PPM1H: variants seen among roughly 807,000 people sequenced by gnomAD.
PPM1H encodes protein phosphatase, Mg2+/Mn2+ dependent 1H.
A neutral mutation model predicts 54.9 loss-of-function variants in PPM1H; 27 were observed. The observed-to-expected ratio is 0.49, with a 90% CI of 0.36 to 0.68. The LOEUF is 0.68. Among genes scored for constraint, PPM1H ranks in the 30% least tolerant of loss-of-function variants. The pLI is 0.00. For missense variants in PPM1H, 596 were observed against 667.8 expected, an observed-to-expected ratio of 0.89 and a Z score of 1.19; for synonymous variants, 305 against 270.8, an observed-to-expected ratio of 1.13 and a Z score of -1.24.
At chr12:62,793,925 C>T (rs2076716203) in intron 3 of PPM1H, among the ~76,000 whole-genome samples, 1 of 152,068 alleles carries the variant, frequency 6.6e-6, no homozygotes, top group Non-Finnish European at 1.5e-5. Context: ...AAAAGGAAAG[C>T]AATATCTGGT....
intron 1 of PPM1H, among the ~76,000 whole-genome samples, chr12:62,895,787 G>A (rs1217395090): frequency 6.6e-6 from 1 of 152,084 alleles, no homozygotes; most frequent in Admixed American, 6.5e-5. Flanking sequence ...GCTCCCCTTT[G>A]CCTTCCACCA....
intron 1 of PPM1H, among the ~76,000 whole-genome samples, chr12:62,860,664 C>T (rs1869565781): frequency 6.6e-6 from 1 of 152,190 alleles, no homozygotes; most frequent in Non-Finnish European, 1.5e-5. Flanking sequence ...GACGCATCTC[C>T]TACAACTCAG....
Position 62,832,097 on chromosome 12 carries a change from A to G in PPM1H, c.411+17T>C. On this transcript the variant is annotated intron_variant, in intron 2 of 9. Coordinates refer to ENST00000228705, the MANE Select transcript of PPM1H (RefSeq NM_020700.2). ...CATTCTTCTCACCTGAGAACCAAGG[A>G]TCGAGAAGGGTCTTACCGAGTTCTC... is the stretch of plus-strand genomic sequence containing the variant. The G allele has an allele frequency of 3.7e-6, 6 of 1,612,266 alleles. No individual in the cohort carries two copies. The highest frequency in any genetic ancestry group is 5.1e-6 in the Non-Finnish European group (6 of 1,178,520).
chr12:62,679,044 C>T (rs778587037), intron 8 of PPM1H, among the ~76,000 whole-genome samples: 3 of 151,968 alleles, frequency 2.0e-5, no homozygotes, highest in Admixed American at 6.6e-5. Context: ...TGGAATGCAG[C>T]GGTGAGATCT....
intron 4 of PPM1H, among the ~76,000 whole-genome samples, chr12:62,748,732 G>T (rs2076425922): frequency 6.6e-6 from 1 of 152,326 alleles, no homozygotes; most frequent in Non-Finnish European, 1.5e-5. Flanking sequence ...TGGCTTTGGA[G>T]GAAATTCACA....
intron 1 of PPM1H, among the ~76,000 whole-genome samples, chr12:62,884,716 G>A (rs1870525513): frequency 6.6e-6 from 1 of 152,062 alleles, no homozygotes; most frequent in Admixed American, 6.6e-5. Context: ...TCTACTACTA[G>A]GTAACAATTT....
chr12:62,753,225 C>G (rs1243759839), intron 4 of PPM1H, among the ~76,000 whole-genome samples: 2 of 152,186 alleles, frequency 1.3e-5, no homozygotes, highest in Non-Finnish European at 2.9e-5. Context: ...ACCTCAGCTG[C>G]CTGGCAAACT....
intron 6 of PPM1H, among the ~76,000 whole-genome samples, chr12:62,702,974 CT>C (rs1344923199): frequency 6.6e-6 from 1 of 152,224 alleles, no homozygotes; most frequent in East Asian, 1.9e-4. Flanking sequence ...CTGAATCTGC[CT>C]CTTCAACTGG....
intron 1 of PPM1H, among the ~76,000 whole-genome samples, chr12:62,893,226 G>A (rs954919033): frequency 6.6e-6 from 1 of 152,144 alleles, no homozygotes; most frequent in Admixed American, 6.6e-5. Flanking sequence ...ATTTGCTAGG[G>A]TTGCCTTAAC....
chr12:62,755,861 G>C, intron 4 of PPM1H: 2 of 785,512 alleles, frequency 2.5e-6, no homozygotes, highest in Non-Finnish European at 2.3e-6. Flanking sequence ...TGCCTCTACT[G>C]GTGCTGCTAA....
In PPM1H at chr12:62,645,887, G is replaced by C. The variant is rs1292161381; in HGVS notation, c.*2602C>G. 1 of 152,140 alleles carries C rather than the reference G, an allele frequency of 6.6e-6. No individual in the cohort carries two copies. Among genetic ancestry groups the C allele is most frequent in the African/African-American group, 2.4e-5 (1 of 41,420 alleles). 9.4% of individuals were successfully genotyped at this position (152,140 alleles called of 1,614,324 possible). On this transcript the variant is annotated 3_prime_UTR_variant, in exon 10 of 10. Transcript: ENST00000228705. ...AGTGTGCGTCCTTTGACTTTTCCAG[G>C]GATGCACCAGGGGCCAACCCGTTAT... is the stretch of plus-strand genomic sequence containing the variant.
At chr12:62,733,242 G>C (rs1410208514) in intron 5 of PPM1H, among the ~76,000 whole-genome samples, 1 of 152,046 alleles carries the variant, frequency 6.6e-6, no homozygotes, top group Non-Finnish European at 1.5e-5. Flanking sequence ...TCTCATAGTT[G>C]ATACTATTTT....
At chr12:62,711,840 C>G (rs1259413692) in intron 6 of PPM1H, among the ~76,000 whole-genome samples, 2 of 152,054 alleles carry the variant, frequency 1.3e-5, no homozygotes, top group Non-Finnish European at 2.9e-5. Context: ...TGGGGCATCT[C>G]TTTTCTTTCT....
intron 9 of PPM1H, among the ~76,000 whole-genome samples, chr12:62,650,641 G>A (rs997292074): frequency 6.6e-6 from 1 of 152,176 alleles, no homozygotes; most frequent in Admixed American, 6.5e-5. Context: ...AGTTCCGTAT[G>A]GCTGGGAAAG....
chr12:62,811,779 G>A (rs151018156), intron 2 of PPM1H, among the ~76,000 whole-genome samples: 73 of 152,254 alleles, frequency 4.8e-4, no homozygotes, highest in African/African-American at 1.6e-3. Flanking sequence ...CCCTTCCACC[G>A]TGATTGTAAG....
At chr12:62,763,348 C>G (rs374677764) in intron 4 of PPM1H, among the ~76,000 whole-genome samples, 1 of 152,190 alleles carries the variant, frequency 6.6e-6, no homozygotes, top group Non-Finnish European at 1.5e-5. Flanking sequence ...GCACACCATG[C>G]TATGAAGATC....
At chr12:62,924,539 C>G (rs1024098366) in intron 1 of PPM1H, among the ~76,000 whole-genome samples, 1 of 152,150 alleles carries the variant, frequency 6.6e-6, no homozygotes, top group East Asian at 1.9e-4. Flanking sequence ...TAAGGAGATG[C>G]GAATTTACTA....
At chr12:62,817,849 G>T (rs959327298) in intron 2 of PPM1H, among the ~76,000 whole-genome samples, 1 of 152,086 alleles carries the variant, frequency 6.6e-6, no homozygotes, top group African/African-American at 2.4e-5. Context: ...GTGCTGCCCC[G>T]TCCTCTGCTG....
chr12:62,754,709 GTCCA>G (rs2076460686), intron 4 of PPM1H, among the ~76,000 whole-genome samples: 2 of 152,150 alleles, frequency 1.3e-5, no homozygotes, highest in Admixed American at 6.5e-5. Context: ...CCCCTTCCTT[GTCCA>G]GCTAAAAGAA....
Sources: allele counts gnomAD v4.1 joint callset (sites outside exome capture counted in the v4.1 genomes callset), GRCh38; gene constraint gnomAD v4.1.1; transcripts MANE v1.5; gene names NCBI Gene and HGNC (gene_info 2026-07-23, HGNC 2026-07-21).